Variants in NRG3 observed in about 807,000 individuals in gnomAD.
The protein encoded by NRG3 is pro-neuregulin-3, membrane-bound isoform.
NRG3 carries 31 observed loss-of-function variants against 66.9 expected under a neutral mutation model. The ratio of observed to expected loss-of-function variants is 0.46; its 90% CI spans 0.35 to 0.63. The LOEUF (loss-of-function observed/expected upper bound fraction) is 0.63. Ranked by LOEUF, NRG3 falls within the 20% of genes least tolerant of loss-of-function variation. The probability of loss-of-function intolerance (pLI) is 0.00; values close to 1 mark genes in which losing one functional copy is unlikely to be tolerated. For synonymous variants in NRG3, 393 were observed against 359.4 expected (o/e 1.09, Z -1.06); for missense variants, 910 against 878.9 (o/e 1.04, Z -0.45).
chr10:82,343,870 C>A (rs188024576), intron 1 of NRG3, among the ~76,000 whole-genome samples: 56 of 152,182 alleles, frequency 3.7e-4, no homozygotes, highest in African/African-American at 1.3e-3. Context: ...CCAGAGGGAC[C>A]TCCAGGACGC....
intron 2 of NRG3, among the ~76,000 whole-genome samples, chr10:82,597,833 A>G (rs1336629456): frequency 6.6e-6 from 1 of 151,662 alleles, no homozygotes; most frequent in African/African-American, 2.4e-5. Context: ...AGGCAGGAGA[A>G]TTGCTTGAAC....
chr10:82,057,054 G>A (rs1264930760), intron 1 of NRG3, among the ~76,000 whole-genome samples: 1 of 151,800 alleles, frequency 6.6e-6, no homozygotes, highest in Non-Finnish European at 1.5e-5. Flanking sequence ...TTTTCTATTA[G>A]GATTTTGCAC....
At chr10:82,875,309 C>A (rs1464478188) in intron 4 of NRG3, among the ~76,000 whole-genome samples, 2 of 152,152 alleles carry the variant, frequency 1.3e-5, no homozygotes, top group Non-Finnish European at 2.9e-5. Context: ...AATACTTACA[C>A]AATATTGTTT....
At chr10:82,820,764 C>T (rs909634470) in intron 3 of NRG3, among the ~76,000 whole-genome samples, 2 of 152,166 alleles carry the variant, frequency 1.3e-5, no homozygotes, top group Non-Finnish European at 2.9e-5. Context: ...GATTTGAGTT[C>T]ATCTTGTTAA....
chr10:82,282,719 C>CACT (rs2079191235), intron 1 of NRG3, among the ~76,000 whole-genome samples: 1 of 152,050 alleles, frequency 6.6e-6, no homozygotes, highest in Non-Finnish European at 1.5e-5. Context: ...CTGTTAGGAA[C>CACT]GAGGGAGCAA....
chr10:82,067,613 G>T (rs2064558412), intron 1 of NRG3, among the ~76,000 whole-genome samples: 1 of 152,198 alleles, frequency 6.6e-6, no homozygotes, highest in South Asian at 2.1e-4. Flanking sequence ...CTCCCAAAGT[G>T]TTGGGATTAT....
chr10:82,345,837 G>A (rs2082982963), intron 1 of NRG3, among the ~76,000 whole-genome samples: 1 of 151,078 alleles, frequency 6.6e-6, no homozygotes, highest in Non-Finnish European at 1.5e-5. Flanking sequence ...TTGTGAATGG[G>A]AGTTCACTCA....
chr10:82,074,891 G>A (rs1785479662), intron 1 of NRG3, among the ~76,000 whole-genome samples: 1 of 152,076 alleles, frequency 6.6e-6, no homozygotes, highest in Admixed American at 6.5e-5. Context: ...CAGCCACATT[G>A]TCCTCCAATA....
chr10:81,984,122 C>T (rs1225231488), intron 1 of NRG3, among the ~76,000 whole-genome samples: 1 of 151,960 alleles, frequency 6.6e-6, no homozygotes, highest in Non-Finnish European at 1.5e-5. Flanking sequence ...CTTCAAAGTC[C>T]CCAGAAAGAA....
chr10:81,908,568 AG>A (rs1271265222), intron 1 of NRG3, among the ~76,000 whole-genome samples: 1 of 152,200 alleles, frequency 6.6e-6, no homozygotes, highest in African/African-American at 2.4e-5. Flanking sequence ...AAGTTTCCAG[AG>A]ATTGGTTTCC....
At chr10:82,334,976 C>T (rs1363576642) in intron 1 of NRG3, among the ~76,000 whole-genome samples, 1 of 152,190 alleles carries the variant, frequency 6.6e-6, no homozygotes, top group Non-Finnish European at 1.5e-5. Context: ...ATATAATTCT[C>T]ATTTTAAAAA....
intron 2 of NRG3, among the ~76,000 whole-genome samples, chr10:82,378,542 CT>C (rs1382866569): frequency 1.3e-5 from 2 of 151,866 alleles, no homozygotes; most frequent in Admixed American, 1.3e-4. Flanking sequence ...CTCCCTCCCT[CT>C]CTTCTCTTCT....
rs559343238 is a variant in NRG3 at position 82,048,530 on chromosome 10, A to G, written c.823+172367A>G. On this transcript the variant is annotated intron_variant, in intron 1 of 8. Transcript: ENST00000372141. ...TACATAACGAAATGAAGGCAGAAATAAAGATGTTCTTTGAAACCAACGAGA... is the reference window on the plus strand; with the variant it reads ...TACATAACGAAATGAAGGCAGAAATGAAGATGTTCTTTGAAACCAACGAGA... Among the ~76,000 whole-genome samples the G allele has an allele frequency of 5.5e-3, 833 of 151,078 alleles. 8 individuals are homozygous for G. Among genetic ancestry groups the G allele is most frequent in the African/African-American group, 0.019 (796 of 41,320 alleles).
intron 2 of NRG3, among the ~76,000 whole-genome samples, chr10:82,371,969 A>G (rs2084924127): frequency 6.6e-6 from 1 of 152,094 alleles, no homozygotes; most frequent in African/African-American, 2.4e-5. Flanking sequence ...CACCCCCACA[A>G]TGGGGGTCTA....
At chr10:82,044,686 A>G (rs1373449051) in intron 1 of NRG3, among the ~76,000 whole-genome samples, 1 of 151,900 alleles carries the variant, frequency 6.6e-6, no homozygotes, top group Non-Finnish European at 1.5e-5. Flanking sequence ...TTAACTCTTC[A>G]TTTAGCATTA....
intron 2 of NRG3, among the ~76,000 whole-genome samples, chr10:82,441,737 TA>T (rs1196086649): frequency 6.6e-6 from 1 of 152,112 alleles, no homozygotes; most frequent in South Asian, 2.1e-4. Flanking sequence ...GGAAAAGAAT[TA>T]AATTACTTTG....
chr10:82,650,977 T>G (rs1030055107), intron 2 of NRG3, among the ~76,000 whole-genome samples: 6 of 152,118 alleles, frequency 3.9e-5, no homozygotes. Flanking sequence ...CTTAACACAT[T>G]TAAACAGAGA....
chr10:82,456,069 T>C (rs190473037), intron 2 of NRG3, among the ~76,000 whole-genome samples: 79 of 152,124 alleles, frequency 5.2e-4, no homozygotes. Flanking sequence ...ATTATACAGC[T>C]GCCCAAAAAT....
chr10:82,268,798 G>C (rs996672229), intron 1 of NRG3, among the ~76,000 whole-genome samples: 1 of 152,096 alleles, frequency 6.6e-6, no homozygotes, highest in South Asian at 2.1e-4. Flanking sequence ...ATGGGGGATA[G>C]ATGGTAAGTC....
Sources: allele counts gnomAD v4.1 joint callset (sites outside exome capture counted in the v4.1 genomes callset), GRCh38; gene constraint gnomAD v4.1.1; transcripts MANE v1.5; gene names NCBI Gene and HGNC (gene_info 2026-07-23, HGNC 2026-07-21).